KIF26A: variants seen among roughly 807,000 people sequenced by gnomAD.
KIF26A encodes kinesin-like protein KIF26A.
KIF26A carries 74 observed loss-of-function variants against 126.0 expected under a neutral mutation model. The observed-to-expected ratio is 0.59, with a 90% CI of 0.49 to 0.71. The LOEUF is 0.71. Among genes scored for constraint, KIF26A ranks in the 30% least tolerant of loss-of-function variants. The pLI is 0.00. For synonymous variants in KIF26A, 1,445 were observed against 1,232.7 expected (o/e 1.17, Z -3.61); for missense variants, 2,984 against 2,763.3 (o/e 1.08, Z -1.79).
In KIF26A at chr14:104,175,873, G is replaced by A. The variant is rs2141118391; in HGVS notation, c.3085G>A (p.Glu1029Lys). 2 of 1,540,314 alleles carry A rather than the reference G, an allele frequency of 1.3e-6. No individual in the cohort carries two copies. The highest frequency in any genetic ancestry group is 1.7e-6 in the Non-Finnish European group (2 of 1,147,994). ...TLQRPVELNG[E>K]DELVFTVVEE... ...GCAGCGGCCAGTGGAGCTCAACGGCGAGGACGAGCTGGTGTTCACGGTGGT... is the reference window on the plus strand; with the variant it reads ...GCAGCGGCCAGTGGAGCTCAACGGCAAGGACGAGCTGGTGTTCACGGTGGT... Residue 1029 changes from glutamate to lysine, a missense_variant, in exon 12 of 15, where the codon GAG (glutamate) becomes AAG (lysine). Glu to Lys is a moderately conservative substitution (Grantham distance 56). Transcript: ENST00000423312.
intron 3 of KIF26A, among the ~76,000 whole-genome samples, chr14:104,153,826 C>G (rs1180999490): frequency 6.6e-6 from 1 of 152,236 alleles, no homozygotes; most frequent in African/African-American, 2.4e-5. Flanking sequence ...CTTGGCCTCA[C>G]TGCACCCTGC....
intron 3 of KIF26A, among the ~76,000 whole-genome samples, chr14:104,154,697 G>A (rs778195948): frequency 1.3e-5 from 2 of 152,238 alleles, no homozygotes; most frequent in East Asian, 1.9e-4. Context: ...GACATGCTGC[G>A]AACCGTGGCC....
At position 104,151,458 on chromosome 14, in the gene KIF26A, T is replaced by G. The variant is rs911565544; in HGVS notation, c.289-557T>G. Among the ~76,000 whole-genome samples, 4 of 152,200 alleles carry G rather than the reference T, an allele frequency of 2.6e-5. No homozygotes were observed. The highest frequency in any genetic ancestry group is 9.7e-5 in the African/African-American group (4 of 41,430). ...CTCTTGCGCCCCTTCGGTGAGCTCA[T>G]GTGCCCTCTAGGAGCGTCTCCGAGG... is the stretch of plus-strand genomic sequence containing the variant. On this transcript the variant is annotated intron_variant, in intron 2 of 14. Transcript: ENST00000423312. This position sits in a 1 kb window ranked among gnomAD's most constrained non-coding sequence, Gnocchi z 4.9.
chr14:104,147,825 C>T (rs538198884), intron 2 of KIF26A, among the ~76,000 whole-genome samples: 3 of 152,292 alleles, frequency 2.0e-5, no homozygotes, highest in African/African-American at 4.8e-5. Flanking sequence ...GAGGGCTGCC[C>T]GCACACGCAT....
rs1178282777 is a variant in KIF26A, at chr14:104,177,619, T to C, written c.4831T>C (p.Ser1611Pro). 6.6e-7 allele frequency: 1 copy of C among 1,524,844 alleles called. No homozygotes were observed. Among genetic ancestry groups the C allele is most frequent in the Non-Finnish European group, 8.8e-7 (1 of 1,140,776 alleles). 94.5% of individuals were successfully genotyped at this position (1,524,844 alleles called of 1,614,324 possible). A position where few individuals can be genotyped will look rare whatever the true frequency, so the allele number is the denominator to read the frequency against. Residue 1611 changes from serine to proline, a missense_variant, in exon 12 of 15, where the codon TCC becomes CCC. Physicochemically the swap from Ser to Pro is moderately conservative, Grantham distance 74. Transcript: ENST00000423312. ...GCCACCCACGGGCCCGGCCCTGCCCTCCCCCTACAGCAAGGTGACCGCCCC... is the reference window on the plus strand; with the variant it reads ...GCCACCCACGGGCCCGGCCCTGCCCCCCCCCTACAGCAAGGTGACCGCCCC... ...ERPPTGPALP[S>P]PYSKVTAPRR...
chr14:104,156,788 G>A (rs1192300615), intron 3 of KIF26A, among the ~76,000 whole-genome samples: 1 of 152,172 alleles, frequency 6.6e-6, no homozygotes, highest in Non-Finnish European at 1.5e-5. Flanking sequence ...GAGGACGCTG[G>A]GCCTTCCAGA....
rs1227077133 is a variant in KIF26A, at chr14:104,179,928, C to T, written c.*138C>T. 1.1e-5 allele frequency: 10 copies of T among 877,704 alleles called. No homozygotes were observed. Among genetic ancestry groups the T allele is most frequent in the South Asian group, 2.2e-5 (1 of 45,192 alleles). 54.4% of individuals were successfully genotyped at this position (877,704 alleles called of 1,614,324 possible). A position where few individuals can be genotyped will look rare whatever the true frequency, so the allele number is the denominator to read the frequency against. ...CAGGACGGGAGTCTCAGAGAGGAGA[C>T]GGAGTGTGGGGGAGGGAGGGCCGGC... On this transcript the variant is annotated 3_prime_UTR_variant, in exon 15 of 15. Coordinates refer to ENST00000423312, the MANE Select transcript of KIF26A (RefSeq NM_015656.2).
chr14:104,179,922 A>C lies in KIF26A; in HGVS notation c.*132A>C. ...TCTGTGCAGGACGGGAGTCTCAGAGAGGAGACGGAGTGTGGGGGAGGGAGG... is the reference window on the plus strand; with the variant it reads ...TCTGTGCAGGACGGGAGTCTCAGAGCGGAGACGGAGTGTGGGGGAGGGAGG... On this transcript the variant is annotated 3_prime_UTR_variant, in exon 15 of 15. Transcript: ENST00000423312. 1 of 952,302 alleles carries C rather than the reference A, an allele frequency of 1.1e-6. No individual in the cohort carries two copies. Among genetic ancestry groups the C allele is most frequent in the Non-Finnish European group, 1.5e-6 (1 of 674,064 alleles). The allele number at this position is 952,302 out of a possible 1,614,324, so 59.0% of individuals were successfully genotyped here. A position where few individuals can be genotyped will look rare whatever the true frequency, so the allele number is the denominator to read the frequency against.
At chr14:104,161,035 C>CT (rs58193977) in intron 4 of KIF26A, among the ~76,000 whole-genome samples, 77,881 of 152,006 alleles carry the variant, frequency 0.51, 20,370 homozygotes, top group African/African-American at 0.63. Context: ...GTGCGCTGCC[C>CT]GAGGCTTAGC....
intron 4 of KIF26A, among the ~76,000 whole-genome samples, chr14:104,163,385 G>A (rs148074399): frequency 3.9e-5 from 6 of 152,336 alleles, no homozygotes; most frequent in Non-Finnish European, 7.3e-5. Context: ...CACAGACAGC[G>A]TGGGCGAGTG....
intron 3 of KIF26A, among the ~76,000 whole-genome samples, chr14:104,153,201 C>T (rs1006751141): frequency 6.6e-5 from 10 of 152,132 alleles, no homozygotes; most frequent in Non-Finnish European, 1.3e-4. Context: ...CCTGTCTGGA[C>T]ATCAAGATCC....
chr14:104,158,121 G>A (rs562082359), intron 4 of KIF26A, among the ~76,000 whole-genome samples, 179 bp downstream of exon 4: 31 of 152,296 alleles, frequency 2.0e-4, no homozygotes, highest in South Asian at 6.2e-4. Context: ...CCGGCCTCTC[G>A]GGCCCCATGC....
intron 2 of KIF26A, among the ~76,000 whole-genome samples, chr14:104,142,700 A>G (rs914367441): frequency 6.6e-6 from 1 of 151,894 alleles, no homozygotes; most frequent in East Asian, 1.9e-4. Context: ...TCGCTTCCCC[A>G]TGCTCACCCA....
At chr14:104,156,933 A>G (rs926255249) in intron 3 of KIF26A, among the ~76,000 whole-genome samples, 3 of 152,110 alleles carry the variant, frequency 2.0e-5, no homozygotes, top group African/African-American at 7.2e-5. Flanking sequence ...TGACCTGACC[A>G]GGCCACGGTG....
chr14:104,177,478 C>T lies in KIF26A; in HGVS notation c.4690C>T (p.His1564Tyr). ...CACAAAGCAGGCGCTCCGGGCTGCT[C>T]ACAGCCGCGTCCATGAGCTGTCAGC... is the stretch of plus-strand genomic sequence containing the variant. ...MGTKQALRAA[H>Y]SRVHELSASG... The change falls in exon 12 of 15, where the codon CAC becomes TAC. Residue 1564 changes from histidine (H) to tyrosine (Y), a missense_variant. His to Tyr is a moderately conservative substitution (Grantham distance 83, BLOSUM62 2). Transcript: ENST00000423312. 6.5e-7 allele frequency: 1 copy of T among 1,532,992 alleles called. No homozygotes were observed. Among genetic ancestry groups the T allele is most frequent in the Non-Finnish European group, 8.7e-7 (1 of 1,145,260 alleles). 95.0% of individuals were successfully genotyped at this position (1,532,992 alleles called of 1,614,324 possible).
rs532792965 is a variant in KIF26A at position 104,157,611 on chromosome 14, A to G, written c.736-144A>G. On this transcript the variant is annotated intron_variant, in intron 3 of 14. Coordinates refer to ENST00000423312, the MANE Select transcript of KIF26A (RefSeq NM_015656.2). ...TGATTTCTGGGGCCTTCCCGGCTTC[A>G]CAGGCTGGGCCCTGGGGGTGCAGAG... 3 of 916,088 alleles carry G rather than the reference A, an allele frequency of 3.3e-6. No homozygotes were observed. The African/African-American group carries it at 5.3e-5, about 16-fold the overall frequency. The allele number at this position is 916,088 out of a possible 1,614,324, so 56.7% of individuals were successfully genotyped here. A position where few individuals can be genotyped will look rare whatever the true frequency, so the allele number is the denominator to read the frequency against.
At chr14:104,140,862 G>A (rs551050268) in intron 2 of KIF26A, among the ~76,000 whole-genome samples, 29 of 152,258 alleles carry the variant, frequency 1.9e-4, no homozygotes, top group Admixed American at 5.2e-4. Context: ...CCGGGGTCCC[G>A]GGCTGGTCTC....
Position 104,179,940 on chromosome 14 carries a change from G to A in KIF26A, c.*150G>A. 4 of 870,090 alleles carry A rather than the reference G, an allele frequency of 4.6e-6. No individual in the cohort carries two copies. Among genetic ancestry groups the A allele is most frequent in the Admixed American group, 3.2e-5 (1 of 30,842 alleles). 53.9% of individuals were successfully genotyped at this position (870,090 alleles called of 1,614,324 possible). The stretch of plus-strand genomic sequence containing the variant: ...CTCAGAGAGGAGACGGAGTGTGGGG[G>A]AGGGAGGGCCGGCCACGCGGTGGAC... On this transcript the variant is annotated 3_prime_UTR_variant, in exon 15 of 15. Coordinates refer to ENST00000423312, the MANE Select transcript of KIF26A (RefSeq NM_015656.2).
chr14:104,166,777 G>A, intron 4 of KIF26A, 82 bp from the exon 5 acceptor site: 1 of 1,310,594 alleles, frequency 7.6e-7, no homozygotes, highest in Non-Finnish European at 1.0e-6. Flanking sequence ...CCCAGGGTGG[G>A]ATCGCCTGGT....
Sources: allele counts gnomAD v4.1 joint callset (sites outside exome capture counted in the v4.1 genomes callset), GRCh38; gene constraint gnomAD v4.1.1; non-coding constraint Gnocchi (gnomAD v3.1); transcripts MANE v1.5; gene names NCBI Gene and HGNC (gene_info 2026-07-23, HGNC 2026-07-21).